The following PDE9A variants were observed in gnomAD, a reference collection of about 807,000 sequenced individuals.
PDE9A encodes the protein phosphodiesterase 9A.
Under a neutral mutation model 87.4 loss-of-function variants are expected in PDE9A, and 60 were observed. The observed-to-expected ratio is 0.69, with a 90% CI of 0.56 to 0.85. The LOEUF (loss-of-function observed/expected upper bound fraction) is 0.85. Among genes scored for constraint, PDE9A ranks in the 40% least tolerant of loss-of-function variants. PDE9A has a pLI of 0.00. For missense variants in PDE9A, 665 were observed against 779.0 expected (o/e 0.85, Z 1.74); for synonymous variants, 272 against 279.4 (o/e 0.97, Z 0.27).
At chr21:42,711,260 T>G (rs1206436719) in intron 4 of PDE9A, among the ~76,000 whole-genome samples, 1 of 141,014 alleles carries the variant, frequency 7.1e-6, no homozygotes, top group South Asian at 2.1e-4. Context: ...TAAGTTTTGT[T>G]TTTTTTTTTT....
At chr21:42,755,874 C>T (rs2054987759) in intron 10 of PDE9A, among the ~76,000 whole-genome samples, 1 of 152,254 alleles carries the variant, frequency 6.6e-6, no homozygotes, top group Non-Finnish European at 1.5e-5. Context: ...CCACTGATGG[C>T]AAAGCACCTG....
rs1414066973 is a variant in PDE9A, at chr21:42,768,037, C to T, written c.1357-151C>T. On this transcript the variant is annotated intron_variant, in intron 15 of 19. Transcript: ENST00000291539. ...GGTTCATTCTCCATTGAGAAGGGAG[C>T]CTGTCCTCCCTGAAGGCAGCCAAGC... 4.8e-6 allele frequency: 3 copies of T among 620,880 alleles called. No individual in the cohort carries two copies. In the East Asian group the frequency reaches 8.2e-5, roughly 17 times the overall value. The allele number at this position is 620,880 out of a possible 1,614,324, so 38.5% of individuals were successfully genotyped here. A position where few individuals can be genotyped will look rare whatever the true frequency, so the allele number is the denominator to read the frequency against.
At chr21:42,769,328 C>T (rs557310959) in intron 17 of PDE9A, among the ~76,000 whole-genome samples, 173 bp downstream of exon 17, 93 of 151,170 alleles carry the variant, frequency 6.2e-4, no homozygotes, top group African/African-American at 2.1e-3. Context: ...TATACACACA[C>T]GCACACAGCT....
At chr21:42,761,890 A>T (rs2055810127) in intron 13 of PDE9A, among the ~76,000 whole-genome samples, 193 bp from the exon 14 acceptor site, 1 of 151,538 alleles carries the variant, frequency 6.6e-6, no homozygotes, top group East Asian at 1.9e-4. Context: ...GAGCATGGGG[A>T]CGTGCAGTTG....
At chr21:42,752,620 C>G (rs1270938783) in intron 9 of PDE9A, among the ~76,000 whole-genome samples, 1 of 152,200 alleles carries the variant, frequency 6.6e-6, no homozygotes, top group Admixed American at 6.5e-5. Context: ...AAATATGCCC[C>G]GCGCTTCTCA....
rs73362702 is a variant in PDE9A, at chr21:42,760,236, G to A, written c.898-92G>A. 86 of 745,428 alleles carry A rather than the reference G, an allele frequency of 1.2e-4. No homozygotes were observed. The African/African-American group carries it at 1.3e-3, about 11-fold the overall frequency. 46.2% of individuals were successfully genotyped at this position (745,428 alleles called of 1,614,324 possible). A position where few individuals can be genotyped will look rare whatever the true frequency, so the allele number is the denominator to read the frequency against. ...TTGGGATGAGGGTTTGGCAGAGAAT[G>A]TTCAAACCAGCGCACAGCCTTCTGG... On this transcript the variant is annotated intron_variant, in intron 11 of 19. Transcript: ENST00000291539. This position sits in a 1 kb window ranked among gnomAD's most constrained non-coding sequence, Gnocchi z 5.2.
chr21:42,653,808 G>A lies in PDE9A; in HGVS notation c.-7G>A. ...TAAAAAGTCCGAGTGCAGCCGCCGG[G>A]CGCAGGATGGGATCCGGCTCCTCCA... On this transcript the variant is annotated 5_prime_UTR_variant, in exon 1 of 20. Transcript: ENST00000291539. 6.5e-7 allele frequency: 1 copy of A among 1,542,934 alleles called. No individual in the cohort carries two copies. The highest frequency in any genetic ancestry group is 8.7e-7 in the Non-Finnish European group (1 of 1,145,422).
chr21:42,750,558 A>C (rs188338575), intron 8 of PDE9A, among the ~76,000 whole-genome samples: 3 of 51,336 alleles, frequency 5.8e-5, no homozygotes, highest in African/African-American at 1.8e-4. Context: ...AGCCCTCAAC[A>C]TCTGACTTTT....
intron 4 of PDE9A, among the ~76,000 whole-genome samples, chr21:42,701,553 C>T (rs867334155): frequency 3.3e-4 from 50 of 152,172 alleles, no homozygotes; most frequent in African/African-American, 1.1e-3. Context: ...CCTCCCTCCT[C>T]AGCCTCCCAA....
intron 7 of PDE9A, among the ~76,000 whole-genome samples, chr21:42,735,008 G>A (rs2052245044): frequency 6.6e-6 from 1 of 152,216 alleles, no homozygotes; most frequent in Non-Finnish European, 1.5e-5. Flanking sequence ...AGCTAAAGCT[G>A]CAAGCAACAG....
chr21:42,769,203 G>A (rs780696699), intron 17 of PDE9A, 48 bp downstream of exon 17: 1 of 1,576,856 alleles, frequency 6.3e-7, no homozygotes, highest in Non-Finnish European at 8.7e-7. Context: ...TCAGATACAT[G>A]CATGCACACA....
At chr21:42,711,261 T>TG (rs2049312676) in intron 4 of PDE9A, among the ~76,000 whole-genome samples, 1 of 151,012 alleles carries the variant, frequency 6.6e-6, no homozygotes, top group African/African-American at 2.4e-5. Context: ...AAGTTTTGTT[T>TG]TTTTTTTTTT....
chr21:42,733,651 T>G, intron 7 of PDE9A: 1 of 554,492 alleles, frequency 1.8e-6, no homozygotes, highest in Non-Finnish European at 3.2e-6. Flanking sequence ...GTATAAAGCA[T>G]TCTTTCAGCC....
At position 42,673,044 on chromosome 21, in the gene PDE9A, G is replaced by A. The variant is rs549693645; in HGVS notation, c.70-13148G>A. On this transcript the variant is annotated intron_variant, in intron 1 of 19. Transcript: ENST00000291539. Reference sequence around the variant, plus strand: ...TTCAAGGGTCCCCTCCTGTAATCACGGCTGCCACTCAACGGAGTAAGTAAT... The same window carrying A: ...TTCAAGGGTCCCCTCCTGTAATCACAGCTGCCACTCAACGGAGTAAGTAAT... 5.3e-5 allele frequency among the ~76,000 whole-genome samples: 8 copies of A among 152,250 alleles called. No homozygotes were observed. In the South Asian group the frequency reaches 6.2e-4, roughly 12 times the overall value.
chr21:42,760,027 C>G lies in PDE9A; in HGVS notation c.898-301C>G, dbSNP rs2055534683. On this transcript the variant is annotated intron_variant, in intron 11 of 19. Coordinates refer to ENST00000291539, the MANE Select transcript of PDE9A (RefSeq NM_002606.3). This position sits in a 1 kb window ranked among gnomAD's most constrained non-coding sequence, Gnocchi z 5.2. ...TCCCCCCATCCCCTAACTTTATGCC[C>G]CACTGTGGCTCCTCAGACACCTCCG... is the stretch of plus-strand genomic sequence containing the variant. 6.6e-6 allele frequency among the ~76,000 whole-genome samples: 1 copy of G among 152,012 alleles called. No homozygotes were observed. The highest frequency in any genetic ancestry group is 1.5e-5 in the Non-Finnish European group (1 of 67,978).
intron 1 of PDE9A, among the ~76,000 whole-genome samples, chr21:42,657,925 G>A (rs1229447574): frequency 3.9e-5 from 6 of 152,198 alleles, no homozygotes; most frequent in East Asian, 3.8e-4. Flanking sequence ...TTGAGTTTGC[G>A]GGGCTGTTTC....
At position 42,760,305 on chromosome 21, in the gene PDE9A, C is replaced by A. The variant is rs760103739; in HGVS notation, c.898-23C>A. ...GTGGGCGGGCCCAGGCACAGGGTGA[C>A]TCGGACCCCCTGCCTCCCGCAGTTC... On this transcript the variant is annotated intron_variant, in intron 11 of 19. Coordinates refer to ENST00000291539, the MANE Select transcript of PDE9A (RefSeq NM_002606.3). The surrounding 1 kb of genome is among the most constrained non-coding windows in gnomAD (Gnocchi z 5.2). 5 of 1,474,476 alleles carry A rather than the reference C, an allele frequency of 3.4e-6. No homozygotes were observed. The highest frequency in any genetic ancestry group is 1.1e-5 in the South Asian group (1 of 89,140). 91.3% of individuals were successfully genotyped at this position (1,474,476 alleles called of 1,614,324 possible).
rs1289966490 is a variant in PDE9A, at chr21:42,775,333, C to A, written c.*40C>A. On this transcript the variant is annotated 3_prime_UTR_variant, in exon 20 of 20. Transcript: ENST00000291539. Reference sequence around the variant, plus strand: ...GTGGCTGCAGTTCTGGACGGGCTGGCCGAGCTGCGCGGGATCCTTGTGCAG... The same window carrying A: ...GTGGCTGCAGTTCTGGACGGGCTGGACGAGCTGCGCGGGATCCTTGTGCAG... 1.2e-5 allele frequency: 19 copies of A among 1,601,558 alleles called. No homozygotes were observed. Among genetic ancestry groups the A allele is most frequent in the Non-Finnish European group, 1.5e-5 (18 of 1,173,118 alleles).
chr21:42,688,775 C>T (rs554556028), intron 3 of PDE9A, among the ~76,000 whole-genome samples: 53 of 152,334 alleles, frequency 3.5e-4, no homozygotes, highest in African/African-American at 1.3e-3. Flanking sequence ...TCAGTAGATG[C>T]GATGGTACAC....
Sources: allele counts gnomAD v4.1 joint callset (sites outside exome capture counted in the v4.1 genomes callset), GRCh38; gene constraint gnomAD v4.1.1; non-coding constraint Gnocchi (gnomAD v3.1); transcripts MANE v1.5; gene names NCBI Gene and HGNC (gene_info 2026-07-23, HGNC 2026-07-21).